The following MDGA2 variants were observed in gnomAD, a reference collection of about 807,000 sequenced individuals.
MDGA2 encodes the protein MAM domain-containing glycosylphosphatidylinositol anchor protein 2.
In MDGA2, 40 loss-of-function variants were observed where a neutral mutation model predicts 117.8. The observed-to-expected ratio is 0.34, with a 90% CI of 0.26 to 0.44. MDGA2 has a LOEUF of 0.44. MDGA2 is among the 20% of genes least tolerant of loss of function. The pLI, the probability that MDGA2 is intolerant of heterozygous loss-of-function variation, is 1.00. For missense variants in MDGA2, 1,123 were observed against 1,250.6 expected (o/e 0.90, Z 1.54); for synonymous variants, 452 against 439.0 (o/e 1.03, Z -0.37).
intron 7 of MDGA2, among the ~76,000 whole-genome samples, chr14:47,050,578 T>C (rs543758710): frequency 4.5e-4 from 69 of 152,144 alleles, no homozygotes; most frequent in African/African-American, 1.4e-3. Context: ...TTCATTTGTG[T>C]GCTGTAAATT....
intron 3 of MDGA2, among the ~76,000 whole-genome samples, chr14:47,192,236 T>A (rs1429481257): frequency 1.3e-5 from 2 of 152,144 alleles, no homozygotes; most frequent in African/African-American, 4.8e-5. Context: ...AGGTGGCTCA[T>A]GCCTGTAAGC....
intron 9 of MDGA2, among the ~76,000 whole-genome samples, chr14:46,939,875 C>A (rs190102525): frequency 3.7e-4 from 56 of 152,266 alleles, no homozygotes; most frequent in African/African-American, 1.3e-3. Context: ...ATTTCCAATA[C>A]CTTTGGGTAT....
intron 14 of MDGA2, among the ~76,000 whole-genome samples, chr14:46,858,420 C>CTTTTTT (rs1290946615): frequency 9.1e-6 from 1 of 109,806 alleles, no homozygotes. Flanking sequence ...TTTTCTTTTT[C>CTTTTTT]TTTTTTTCTT....
intron 6 of MDGA2, among the ~76,000 whole-genome samples, chr14:47,073,021 G>T (rs989124917): frequency 6.6e-6 from 1 of 152,034 alleles, no homozygotes; most frequent in Non-Finnish European, 1.5e-5. Flanking sequence ...CTTTCCACAT[G>T]GCCAAAGCTT....
intron 1 of MDGA2, among the ~76,000 whole-genome samples, chr14:47,529,539 A>G (rs112613607): frequency 0.23 from 34,227 of 152,026 alleles, 4,866 homozygotes; most frequent in South Asian, 0.47. Context: ...AGATTTAATT[A>G]AATAATAATA....
At chr14:47,033,301 A>C (rs1464119526) in intron 8 of MDGA2, among the ~76,000 whole-genome samples, 2 of 148,916 alleles carry the variant, frequency 1.3e-5, no homozygotes, top group African/African-American at 5.0e-5. Context: ...AAGTTCGCTA[A>C]AGCCATTTGG....
intron 1 of MDGA2, among the ~76,000 whole-genome samples, chr14:47,446,577 G>T (rs1037807800): frequency 1.3e-5 from 2 of 151,912 alleles, no homozygotes; most frequent in African/African-American, 4.8e-5. Flanking sequence ...GAGTGTTGTC[G>T]GTGTATAAGG....
intron 1 of MDGA2, among the ~76,000 whole-genome samples, chr14:47,322,723 A>G (rs756812086): frequency 2.0e-5 from 3 of 152,182 alleles, no homozygotes; most frequent in Admixed American, 6.5e-5. Context: ...ACAGTGTAAT[A>G]ATTCTAGCTT....
chr14:47,035,599 C>G (rs1296289984), intron 7 of MDGA2, among the ~76,000 whole-genome samples: 1 of 152,108 alleles, frequency 6.6e-6, no homozygotes, highest in Non-Finnish European at 1.5e-5. Context: ...TAGCCATTAA[C>G]TGGGGCTTTA....
rs1055296217 is a variant in MDGA2, at chr14:47,217,945, T to C, written c.595+76A>G. On this transcript the variant is annotated intron_variant, in intron 3 of 16. Coordinates refer to ENST00000399232, the MANE Select transcript of MDGA2 (RefSeq NM_001113498.3). ...CAGCTAAACAGAACGCTATGGTTTT[T>C]CAGAAAACCATAGACTTGTAAGACA... The C allele has an allele frequency of 6.6e-6, 8 of 1,214,166 alleles. No homozygotes were observed. In the African/African-American group the frequency reaches 1.1e-4, roughly 17 times the overall value. The allele number at this position is 1,214,166 out of a possible 1,614,324, so 75.2% of individuals were successfully genotyped here.
At chr14:47,267,261 T>G (rs1887997481) in intron 2 of MDGA2, among the ~76,000 whole-genome samples, 1 of 149,610 alleles carries the variant, frequency 6.7e-6, no homozygotes, top group Non-Finnish European at 1.5e-5. Context: ...ATTATATGAA[T>G]GTGGAAATAT....
At chr14:47,643,234 GA>G (rs1278134728) in intron 1 of MDGA2, among the ~76,000 whole-genome samples, 1 of 151,822 alleles carries the variant, frequency 6.6e-6, no homozygotes, top group African/African-American at 2.4e-5. Flanking sequence ...TTTTTAAAAG[GA>G]AAATATTTTA....
intron 1 of MDGA2, among the ~76,000 whole-genome samples, chr14:47,408,212 T>C (rs1892300802): frequency 6.6e-6 from 1 of 152,062 alleles, no homozygotes; most frequent in African/African-American, 2.4e-5. Flanking sequence ...TGCGCCACCA[T>C]GCCCAGCTAA....
At chr14:46,845,948 C>T in intron 15 of MDGA2, 77 bp from the exon 16 acceptor site, 1 of 1,037,604 alleles carries the variant, frequency 9.6e-7, no homozygotes, top group Non-Finnish European at 1.5e-6. Flanking sequence ...ATCAAGGTGA[C>T]AAAAATAAAC....
At chr14:47,600,356 T>C (rs1267762692) in intron 1 of MDGA2, among the ~76,000 whole-genome samples, 1 of 151,828 alleles carries the variant, frequency 6.6e-6, no homozygotes, top group African/African-American at 2.4e-5. Context: ...AACACTTGAA[T>C]CCGGGAGACA....
chr14:46,928,257 C>A (rs938695682), intron 9 of MDGA2, among the ~76,000 whole-genome samples: 2 of 152,048 alleles, frequency 1.3e-5, no homozygotes, highest in Admixed American at 6.6e-5. Context: ...ACAATACATT[C>A]AGCCAATATA....
At chr14:47,365,202 G>C (rs1891206657) in intron 1 of MDGA2, among the ~76,000 whole-genome samples, 1 of 152,156 alleles carries the variant, frequency 6.6e-6, no homozygotes, top group Non-Finnish European at 1.5e-5. Flanking sequence ...ACTTAAGATG[G>C]GGTTCGTTTT....
Position 47,465,926 on chromosome 14 carries a change from T to C in MDGA2, c.281-164376A>G, listed in dbSNP as rs1045725901. ...TCACAATAGCAGACATGGAATCAAC[T>C]TGAATGCTCATCAATGACAGATTGT... On this transcript the variant is annotated intron_variant, in intron 1 of 16. Coordinates refer to ENST00000399232, the MANE Select transcript of MDGA2 (RefSeq NM_001113498.3). Among the ~76,000 whole-genome samples the C allele has an allele frequency of 7.9e-5, 12 of 152,044 alleles. No homozygotes were observed. The East Asian group carries it at 9.6e-4, about 12-fold the overall frequency.
Position 46,920,133 on chromosome 14 carries a change from T to C in MDGA2, c.2117A>G (p.Tyr706Cys), listed in dbSNP as rs773343309. ...TGKAYAPEFYYDTYNPVWQNR... is the reference protein window; with the variant it reads ...TGKAYAPEFYCDTYNPVWQNR... Reference sequence around the variant, plus strand: ...CTGCCATACTGGATTGTAGGTATCATAATAGAATTCTGGAGCATAGGCCTT... The same window carrying C: ...CTGCCATACTGGATTGTAGGTATCACAATAGAATTCTGGAGCATAGGCCTT... Residue 706 changes from tyrosine (Y) to cysteine (C), a missense_variant, in exon 10 of 17, where the codon TAT (tyrosine) becomes TGT (cysteine). This residue lies in a region of MDGA2 where 890 missense variants were observed against 1,050.3 expected (regional missense o/e 0.85). Coordinates refer to ENST00000399232, the MANE Select transcript of MDGA2 (RefSeq NM_001113498.3). 1 of 1,609,852 alleles carries C rather than the reference T, an allele frequency of 6.2e-7. No homozygotes were observed. The highest frequency in any genetic ancestry group is 8.5e-7 in the Non-Finnish European group (1 of 1,178,340).
Sources: allele counts gnomAD v4.1 joint callset (sites outside exome capture counted in the v4.1 genomes callset), GRCh38; gene constraint gnomAD v4.1.1; regional missense constraint gnomAD v4.1.1; transcripts MANE v1.5; gene names NCBI Gene and HGNC (gene_info 2026-07-23, HGNC 2026-07-21).